Variants in DGKI observed in about 807,000 individuals in gnomAD.
DGKI encodes DAG kinase iota.
DGKI carries 55 observed loss-of-function variants against 147.5 expected under a neutral mutation model. That is an observed-to-expected ratio of 0.37 (90% CI 0.30 to 0.47). The LOEUF (loss-of-function observed/expected upper bound fraction) is 0.47, where lower values mean the gene tolerates loss of function less well. DGKI is among the 20% of genes least tolerant of loss of function. DGKI has a pLI of 1.00. For synonymous variants in DGKI, 469 were observed against 477.1 expected, an observed-to-expected ratio of 0.98 and a Z score of 0.22; for missense variants, 1,007 against 1,323.8, an observed-to-expected ratio of 0.76 and a Z score of 3.71.
chr7:137,730,320 C>T (rs1794838999), intron 1 of DGKI, among the ~76,000 whole-genome samples: 2 of 152,032 alleles, frequency 1.3e-5, no homozygotes, highest in Admixed American at 6.6e-5. Flanking sequence ...TTAATGGTAC[C>T]GTGGTTCACC....
At position 137,833,788 on chromosome 7, in the gene DGKI, T is replaced by G. The variant is rs183498556; in HGVS notation, c.401+12674A>C. ...TGAGAGGAAGCCCCCTACAACAGCT[T>G]CCAAAGGCCTCATTGGTTACCATGG... On this transcript the variant is annotated intron_variant, in intron 1 of 32. Transcript: ENST00000614521. Among the ~76,000 whole-genome samples the G allele has an allele frequency of 4.6e-5, 7 of 152,252 alleles. No individual in the cohort carries two copies. In the East Asian group the frequency reaches 1.4e-3, roughly 29 times the overall value.
chr7:137,612,154 G>C (rs1820385353), intron 8 of DGKI, among the ~76,000 whole-genome samples: 1 of 151,718 alleles, frequency 6.6e-6, no homozygotes, highest in Non-Finnish European at 1.5e-5. Flanking sequence ...TTAAAGTAAG[G>C]CTTGATGTCT....
intron 29 of DGKI, among the ~76,000 whole-genome samples, chr7:137,410,721 G>A (rs1812131494): frequency 6.6e-6 from 1 of 152,172 alleles, no homozygotes; most frequent in Non-Finnish European, 1.5e-5. Flanking sequence ...ACAGTGCTTT[G>A]CAAAATTTTC....
intron 1 of DGKI, chr7:137,722,480 T>C: frequency 6.2e-7 from 1 of 1,610,656 alleles, no homozygotes; most frequent in Non-Finnish European, 8.5e-7. Flanking sequence ...GTGGTTTTCC[T>C]GAAGCAGCTG....
chr7:137,474,155 C>A (rs1409400275), intron 23 of DGKI, among the ~76,000 whole-genome samples: 1 of 152,154 alleles, frequency 6.6e-6, no homozygotes, highest in African/African-American at 2.4e-5. Flanking sequence ...ACTGTAATTA[C>A]TATCTGGGCA....
intron 1 of DGKI, among the ~76,000 whole-genome samples, chr7:137,839,224 C>G (rs985491790): frequency 4.6e-5 from 7 of 152,196 alleles, no homozygotes; most frequent in African/African-American, 1.7e-4. Flanking sequence ...GCAGCTTTCT[C>G]CCCTTCACAT....
At chr7:137,540,539 G>C (rs929015702) in intron 20 of DGKI, among the ~76,000 whole-genome samples, 6 of 151,912 alleles carry the variant, frequency 3.9e-5, no homozygotes, top group Admixed American at 3.9e-4. Context: ...TCAAAAGTTA[G>C]CTAGGCATGG....
chr7:137,648,584 G>A (rs911052418), intron 5 of DGKI, among the ~76,000 whole-genome samples: 2 of 152,202 alleles, frequency 1.3e-5, no homozygotes, highest in African/African-American at 4.8e-5. Flanking sequence ...GGCAGGTAGT[G>A]GATATGCTGG....
intron 23 of DGKI, among the ~76,000 whole-genome samples, chr7:137,474,386 A>G (rs1446223462): frequency 1.3e-5 from 2 of 152,180 alleles, no homozygotes; most frequent in Non-Finnish European, 2.9e-5. Context: ...TGCAAAATAC[A>G]CCCACAAAAT....
chr7:137,763,283 C>T (rs188921216), intron 1 of DGKI, among the ~76,000 whole-genome samples: 2 of 152,366 alleles, frequency 1.3e-5, no homozygotes, highest in African/African-American at 4.8e-5. Flanking sequence ...TCCTATTATA[C>T]AGTTTATATG....
intron 1 of DGKI, among the ~76,000 whole-genome samples, chr7:137,731,534 C>T (rs1172070068): frequency 2.0e-5 from 3 of 152,074 alleles, no homozygotes; most frequent in East Asian, 3.9e-4. Flanking sequence ...TGCCTTAGCA[C>T]CACCATACGT....
chr7:137,484,173 G>A (rs1815470986), intron 23 of DGKI, among the ~76,000 whole-genome samples: 1 of 151,970 alleles, frequency 6.6e-6, no homozygotes, highest in Admixed American at 6.6e-5. Flanking sequence ...AGAACACAAA[G>A]GCCATTCCTG....
intron 5 of DGKI, among the ~76,000 whole-genome samples, chr7:137,652,736 T>C (rs533868716): frequency 3.9e-5 from 6 of 152,336 alleles, no homozygotes; most frequent in African/African-American, 1.4e-4. Context: ...CTACTCTCTT[T>C]CCACATGTTC....
chr7:137,577,911 G>T (rs1295638375), intron 16 of DGKI, among the ~76,000 whole-genome samples: 2 of 152,148 alleles, frequency 1.3e-5, no homozygotes, highest in Non-Finnish European at 2.9e-5. Context: ...TGAAAACTAC[G>T]TTCTTACCTA....
chr7:137,398,547 T>C (rs967621829), intron 30 of DGKI, among the ~76,000 whole-genome samples: 48 of 152,180 alleles, frequency 3.2e-4, no homozygotes, highest in African/African-American at 1.1e-3. Context: ...TTGCTCTCTT[T>C]ATTGGTGGAT....
At chr7:137,755,817 A>T (rs1795660869) in intron 1 of DGKI, among the ~76,000 whole-genome samples, 1 of 152,210 alleles carries the variant, frequency 6.6e-6, no homozygotes, top group Admixed American at 6.5e-5. Flanking sequence ...ACATCTCAGG[A>T]TCGCAGAAAC....
rs545136419 is a variant in DGKI at position 137,735,301 on chromosome 7, G to C, written c.402-45299C>G. On this transcript the variant is annotated intron_variant, in intron 1 of 32. Coordinates refer to ENST00000614521, the MANE Select transcript of DGKI (RefSeq NM_001321708.2). The stretch of plus-strand genomic sequence containing the variant: ...AGCAACGCTAATCTATTTTGCTTTT[G>C]CTTTACTAATCATCAATTCATTGCT... 2.9e-4 allele frequency among the ~76,000 whole-genome samples: 44 copies of C among 152,138 alleles called. 1 individual carries two copies. Among genetic ancestry groups the C allele is most frequent in the African/African-American group, 1.1e-3 (44 of 41,534 alleles).
intron 1 of DGKI, among the ~76,000 whole-genome samples, chr7:137,829,024 G>A (rs933633073): frequency 6.6e-6 from 1 of 152,174 alleles, no homozygotes; most frequent in African/African-American, 2.4e-5. Flanking sequence ...AAGCAATAAT[G>A]CTCTTCCCAT....
At chr7:137,831,198 T>A (rs1020896589) in intron 1 of DGKI, among the ~76,000 whole-genome samples, 4 of 152,196 alleles carry the variant, frequency 2.6e-5, no homozygotes, top group Admixed American at 2.0e-4. Flanking sequence ...CATTCGCCAA[T>A]GATATTTTAT....
Sources: gnomAD v4.1 joint callset for allele counts (sites outside exome capture counted in the v4.1 genomes callset) on GRCh38, gnomAD v4.1.1 for gene constraint, MANE v1.5 for transcripts, NCBI Gene and HGNC (gene_info 2026-07-23, HGNC 2026-07-21) for gene names.